Variants in HSPG2 observed in about 807,000 individuals in gnomAD.
The protein encoded by HSPG2 is heparan sulfate proteoglycan 2.
A neutral mutation model predicts 526.6 loss-of-function variants in HSPG2; 278 were observed. The observed-to-expected ratio is 0.53, with a 90% CI of 0.48 to 0.58. The LOEUF (loss-of-function observed/expected upper bound fraction) is 0.58. Ranked by LOEUF, HSPG2 falls within the 20% of genes least tolerant of loss-of-function variation. The pLI is 0.00. For missense variants in HSPG2, 5,354 were observed against 6,099.5 expected, an observed-to-expected ratio of 0.88 and a Z score of 4.07; for synonymous variants, 2,465 against 2,555.4, an observed-to-expected ratio of 0.96 and a Z score of 1.07.
intron 21 of HSPG2, among the ~76,000 whole-genome samples, 200 bp downstream of exon 21, chr1:21,877,986 G>C (rs749873365): frequency 2.6e-5 from 4 of 152,246 alleles, no homozygotes; most frequent in African/African-American, 9.6e-5. Context: ...GTGGTCACCT[G>C]ACTCCCTAAC....
chr1:21,917,701 C>A (rs1557829369), intron 1 of HSPG2, among the ~76,000 whole-genome samples: 1 of 152,180 alleles, frequency 6.6e-6, no homozygotes, highest in African/African-American at 2.4e-5. Flanking sequence ...GTTCCCTCTT[C>A]TTGGAATGCT....
In HSPG2 at chr1:21,925,204, G is replaced by A. The variant is rs559293402; in HGVS notation, c.63+11951C>T. Among the ~76,000 whole-genome samples, 9 of 152,304 alleles carry A rather than the reference G, an allele frequency of 5.9e-5. No individual in the cohort carries two copies. The East Asian group carries it at 1.7e-3, about 29-fold the overall frequency. On this transcript the variant is annotated intron_variant, in intron 1 of 96. Coordinates refer to ENST00000374695, the MANE Select transcript of HSPG2 (RefSeq NM_005529.7). ...GGATTGATAACACAGATCAAACAAT[G>A]AGCGCGATGTCAGGCGCACAGCAGG...
intron 50 of HSPG2, 37 bp downstream of exon 50, chr1:21,854,156 G>C (rs1639143717): frequency 6.5e-7 from 1 of 1,540,988 alleles, no homozygotes; most frequent in African/African-American, 1.4e-5. Flanking sequence ...GGAGCTCCTA[G>C]GGCTCAGCCC....
At chr1:21,842,530 A>G in intron 67 of HSPG2, 150 bp from the exon 68 acceptor site, 1 of 1,057,472 alleles carries the variant, frequency 9.5e-7, no homozygotes, top group Non-Finnish European at 1.3e-6. Context: ...ACAGAATCCT[A>G]GAGGTCCAAC....
At chr1:21,833,967 C>T (rs1249193413) in intron 77 of HSPG2, 42 bp from the exon 78 acceptor site, 2 of 1,338,350 alleles carry the variant, frequency 1.5e-6, no homozygotes, top group Admixed American at 3.9e-5. Flanking sequence ...ACATGACAGT[C>T]ACAGATATGT....
At chr1:21,916,070 A>G (rs201242072) in intron 1 of HSPG2, among the ~76,000 whole-genome samples, 1 of 78,506 alleles carries the variant, frequency 1.3e-5, no homozygotes, top group Non-Finnish European at 2.6e-5. Flanking sequence ...AAGAAGAAGA[A>G]GAAAAAAAAA....
rs1383007575 is a variant in HSPG2, at chr1:21,842,803, G to A, written c.8877C>T (p.Tyr2959=). The part of the protein sequence containing the change: ...PGQAHAQVTW[Y]KRGGSLPARH... ...GGGCGGGGAGGCTGCCCCCGCGCTT[G>A]TACCACGTGACCTGGGCATGGGCCT... Residue 2959 remains tyrosine, a synonymous_variant, in exon 67 of 97, where the codon TAC becomes TAT. Coordinates refer to ENST00000374695, the MANE Select transcript of HSPG2 (RefSeq NM_005529.7). 1.9e-6 allele frequency: 3 copies of A among 1,613,682 alleles called. No homozygotes were observed. Among genetic ancestry groups the A allele is most frequent in the Non-Finnish European group, 1.7e-6 (2 of 1,180,038 alleles).
At chr1:21,854,091 C>T in intron 50 of HSPG2, 102 bp downstream of exon 50, 2 of 1,310,604 alleles carry the variant, frequency 1.5e-6, no homozygotes, top group Non-Finnish European at 2.1e-6. Flanking sequence ...TCAAAGCCTG[C>T]CTGGAATGCC....
At position 21,850,138 on chromosome 1, in the gene HSPG2, T is replaced by C. The variant is rs764954241; in HGVS notation, c.7349A>G (p.Glu2450Gly). The C allele has an allele frequency of 1.2e-6, 2 of 1,613,232 alleles. No homozygotes were observed. Among genetic ancestry groups the C allele is most frequent in the Admixed American group, 1.7e-5 (1 of 60,008 alleles). ...RIESSSSQVA[E>G]GQTLDLNCLV... ...GCAGTTCAGGTCCAGGGTCTGCCCC[T>C]CGGCCACTTGCGAAGACGATGACTC... The change falls in exon 57 of 97, where the codon GAG (glutamate) becomes GGG (glycine). Residue 2450 changes from glutamate (E) to glycine (G), a missense_variant. Coordinates refer to ENST00000374695, the MANE Select transcript of HSPG2 (RefSeq NM_005529.7).
chr1:21,867,583 G>A (rs1557749254), intron 33 of HSPG2, among the ~76,000 whole-genome samples: 1 of 152,138 alleles, frequency 6.6e-6, no homozygotes, highest in Non-Finnish European at 1.5e-5. Context: ...AAATGGTGAT[G>A]TACTCCACAC....
chr1:21,823,443 G>T lies in HSPG2; in HGVS notation c.13049C>A (p.Ser4350Ter). 2 of 1,592,822 alleles carry T rather than the reference G, an allele frequency of 1.3e-6. No homozygotes were observed. The highest frequency in any genetic ancestry group is 1.3e-5 in the African/African-American group (1 of 74,822). ...GTTCTTGACACAGCCTGTGATGCCTGAGGAGAATCTGCCCCCGGTCAGCGT... is the reference window on the plus strand; with the variant it reads ...GTTCTTGACACAGCCTGTGATGCCTTAGGAGAATCTGCCCCCGGTCAGCGT... ...VATLTGGRFS[S>*]GITGCVKNLV... The change falls in exon 97 of 97, where the codon TCA becomes TAA. Residue 4350 changes from serine to a stop codon, truncating the protein, a stop_gained. Transcript: ENST00000374695. LOFTEE classifies it high-confidence loss of function.
chr1:21,906,734 G>T (rs1442803135), intron 1 of HSPG2, among the ~76,000 whole-genome samples: 1 of 150,492 alleles, frequency 6.6e-6, no homozygotes, highest in South Asian at 2.1e-4. Flanking sequence ...TGGGGGGTGG[G>T]GGGGGGTCAC....
rs143274889 is a variant in HSPG2 at position 21,842,781 on chromosome 1, C to T, written c.8899G>A (p.Ala2967Thr). The change falls in exon 67 of 97, where the codon GCC (alanine) becomes ACC (threonine). Residue 2967 changes from alanine (A) to threonine (T), a missense_variant. Physicochemically the swap from Ala to Thr is moderately conservative, Grantham distance 58. Coordinates refer to ENST00000374695, the MANE Select transcript of HSPG2 (RefSeq NM_005529.7). ...CCTGGCCCCTGTACCTGGTGCCGGGCGGGGAGGCTGCCCCCGCGCTTGTAC... is the reference window on the plus strand; with the variant it reads ...CCTGGCCCCTGTACCTGGTGCCGGGTGGGGAGGCTGCCCCCGCGCTTGTAC... ...TWYKRGGSLP[A>T]RHQTHGSQLR... 364 of 1,612,994 alleles carry T rather than the reference C, an allele frequency of 2.3e-4. No homozygotes were observed. Among genetic ancestry groups the T allele is most frequent in the Admixed American group, 9.2e-4 (55 of 60,018 alleles).
At chr1:21,863,493 C>T (rs371310526) in intron 37 of HSPG2, among the ~76,000 whole-genome samples, 3 of 152,120 alleles carry the variant, frequency 2.0e-5, no homozygotes, top group Non-Finnish European at 2.9e-5. Context: ...GTTCCTTGCT[C>T]CAAGTTTAGG....
In HSPG2 at chr1:21,880,698, G is replaced by T; in HGVS notation, c.1956C>A (p.Thr652=). 6.2e-7 allele frequency: 1 copy of T among 1,600,128 alleles called. No homozygotes were observed. Among genetic ancestry groups the T allele is most frequent in the Non-Finnish European group, 8.5e-7 (1 of 1,173,846 alleles). ...YRLLSRGHTP[T]QPGALNQRQV... ...GGCGCTGGTTCAGAGCACCAGGTTG[G>T]GTGGGTGTGTGGCCTCGGGAGAGGA... Residue 652 remains threonine, a synonymous_variant, in exon 15 of 97, where the codon ACC becomes ACA. Coordinates refer to ENST00000374695, the MANE Select transcript of HSPG2 (RefSeq NM_005529.7).
In HSPG2 at chr1:21,880,491, C is replaced by T; in HGVS notation, c.2067G>A (p.Leu689=). The change falls in exon 16 of 97, where the codon CTG becomes CTA. Residue 689 remains leucine, a synonymous_variant. Transcript: ENST00000374695. ...RAELLQVLQS[L]EAVLIQTVYN... The stretch of plus-strand genomic sequence containing the variant: ...ACACGGTCTGGATGAGCACGGCCTC[C>T]AGGCTCTGCAGCACCTGCAGCAGCT... The T allele has an allele frequency of 6.2e-7, 1 of 1,613,824 alleles. No homozygotes were observed. The highest frequency in any genetic ancestry group is 8.5e-7 in the Non-Finnish European group (1 of 1,180,006).
At chr1:21,835,721 C>T (rs966140639) in intron 75 of HSPG2, 84 bp from the exon 76 acceptor site, 27 of 1,002,870 alleles carry the variant, frequency 2.7e-5, no homozygotes, top group Middle Eastern at 2.6e-4. Flanking sequence ...TGGTGGCTCA[C>T]GCCTGTAATC....
rs748350449 is a variant in HSPG2, at chr1:21,859,931, G to A, written c.5086C>T (p.Leu1696=). ...GGGCTCCCACTGACCTGACACCGCA[G>A]GGAGTGGGAGCCACCTTGGGGCACT... ...SIVPQGGSHS[L]RCQVSGSPPH... is the part of the protein sequence containing the mutation. The change falls in exon 41 of 97, where the codon CTG becomes TTG. Residue 1696 remains leucine (L), a synonymous_variant. Coordinates refer to ENST00000374695, the MANE Select transcript of HSPG2 (RefSeq NM_005529.7). The surrounding 1 kb of genome is among the most constrained non-coding windows in gnomAD (Gnocchi z 5.3). 41 of 1,610,588 alleles carry A rather than the reference G, an allele frequency of 2.5e-5. No homozygotes were observed. The East Asian group carries it at 4.9e-4, about 19-fold the overall frequency.
At position 21,847,965 on chromosome 1, in the gene HSPG2, G is replaced by A. The variant is rs768053549; in HGVS notation, c.7866C>T (p.Ser2622=). ...TGCCCTCTCTGCTCTCACCGTGGGA[G>A]GAACCGCTGCCCTGGATGGTGACGA... is the stretch of plus-strand genomic sequence containing the variant. ...SLIVTIQGSG[S]SHVPSVSPPI... Residue 2622 remains serine, a synonymous_variant, in exon 60 of 97, where the codon TCC becomes TCT. Transcript: ENST00000374695. This position sits in a 1 kb window ranked among gnomAD's most constrained non-coding sequence, Gnocchi z 4.1. The A allele has an allele frequency of 1.9e-6, 3 of 1,613,898 alleles. No individual in the cohort carries two copies. Among genetic ancestry groups the A allele is most frequent in the Non-Finnish European group, 2.5e-6 (3 of 1,180,038 alleles).
Sources: gnomAD v4.1 joint callset for allele counts (sites outside exome capture counted in the v4.1 genomes callset) on GRCh38, gnomAD v4.1.1 for gene constraint, Gnocchi (gnomAD v3.1) non-coding constraint, MANE v1.5 for transcripts, NCBI Gene and HGNC (gene_info 2026-07-23, HGNC 2026-07-21) for gene names.